IGSF21: variants seen among roughly 807,000 people sequenced by gnomAD.
IGSF21 encodes immunoglobin superfamily member 21.
IGSF21 carries 28 observed loss-of-function variants against 46.8 expected under a neutral mutation model. The observed-to-expected ratio is 0.60, with a 90% CI of 0.44 to 0.82. The LOEUF is 0.82. Among genes scored for constraint, IGSF21 ranks in the 40% least tolerant of loss-of-function variants. The probability of loss-of-function intolerance (pLI) is 0.00; values close to 1 mark genes in which losing one functional copy is unlikely to be tolerated. For synonymous variants in IGSF21, 284 were observed against 273.6 expected, an observed-to-expected ratio of 1.04 and a Z score of -0.38; for missense variants, 624 against 665.5, an observed-to-expected ratio of 0.94 and a Z score of 0.69.
intron 2 of IGSF21, among the ~76,000 whole-genome samples, chr1:18,270,734 AG>A (rs1406141733): frequency 1.3e-5 from 2 of 151,944 alleles, no homozygotes; most frequent in African/African-American, 4.8e-5. Context: ...CCACCAGTGG[AG>A]GGGTGTTCTT....
chr1:18,223,856 A>G (rs1205774051), intron 1 of IGSF21, among the ~76,000 whole-genome samples: 2 of 152,162 alleles, frequency 1.3e-5, no homozygotes, highest in Non-Finnish European at 2.9e-5. Context: ...CTGTCTCTGC[A>G]GCCTGGAAAC....
At chr1:18,361,894 T>TA in intron 4 of IGSF21, 1 of 554,734 alleles carries the variant, frequency 1.8e-6, no homozygotes, top group Non-Finnish European at 3.2e-6. Context: ...TCTTCTACAC[T>TA]AAACTGTAAG....
At chr1:18,142,867 C>T (rs1223194769) in intron 1 of IGSF21, among the ~76,000 whole-genome samples, 1 of 152,210 alleles carries the variant, frequency 6.6e-6, no homozygotes, top group East Asian at 1.9e-4. Flanking sequence ...CAGGGGCGGC[C>T]TGTGGCCTGG....
At chr1:18,235,689 G>A (rs890360927) in intron 2 of IGSF21, among the ~76,000 whole-genome samples, 1 of 152,228 alleles carries the variant, frequency 6.6e-6, no homozygotes, top group Non-Finnish European at 1.5e-5. Flanking sequence ...ACCAGGCCCT[G>A]TGCTGTAAGA....
At chr1:18,238,299 TG>T (rs1181221282) in intron 2 of IGSF21, among the ~76,000 whole-genome samples, 1 of 151,872 alleles carries the variant, frequency 6.6e-6, no homozygotes, top group Non-Finnish European at 1.5e-5. Context: ...AGGAGTGCAG[TG>T]GGGAATGGGG....
intron 4 of IGSF21, among the ~76,000 whole-genome samples, chr1:18,346,842 G>A (rs2085898326): frequency 1.3e-5 from 2 of 152,194 alleles, no homozygotes; most frequent in South Asian, 4.1e-4. Context: ...GCAGCCCACA[G>A]GACTGAGGCG....
chr1:18,161,252 C>G (rs191897186), intron 1 of IGSF21, among the ~76,000 whole-genome samples: 97 of 152,284 alleles, frequency 6.4e-4, no homozygotes, highest in African/African-American at 2.3e-3. Context: ...GAAGGGAAAG[C>G]CAGCATTCAC....
chr1:18,271,656 C>T (rs539110759), intron 2 of IGSF21, among the ~76,000 whole-genome samples: 39 of 152,282 alleles, frequency 2.6e-4, no homozygotes, highest in Middle Eastern at 3.4e-3. Flanking sequence ...AAAGATCAAC[C>T]GGGAGCATCA....
intron 2 of IGSF21, among the ~76,000 whole-genome samples, chr1:18,229,918 G>A (rs1029688624): frequency 6.6e-6 from 1 of 152,230 alleles, no homozygotes; most frequent in African/African-American, 2.4e-5. Flanking sequence ...CAGAGGGAGG[G>A]GTGGTGAAAG....
At chr1:18,128,604 G>C (rs2086292852) in intron 1 of IGSF21, among the ~76,000 whole-genome samples, 1 of 152,122 alleles carries the variant, frequency 6.6e-6, no homozygotes, top group South Asian at 2.1e-4. Flanking sequence ...CAGGCCCCAG[G>C]GAAGCAATTC....
intron 1 of IGSF21, among the ~76,000 whole-genome samples, chr1:18,148,752 G>A (rs891060705): frequency 1.3e-5 from 2 of 152,206 alleles, no homozygotes; most frequent in Admixed American, 1.3e-4. Flanking sequence ...TGCCCTCAGA[G>A]ATATCATATC....
At chr1:18,278,206 T>G (rs1318936117) in intron 2 of IGSF21, among the ~76,000 whole-genome samples, 3 of 23,174 alleles carry the variant, frequency 1.3e-4, no homozygotes, top group Admixed American at 5.7e-4. Context: ...ATGGCTGCAT[T>G]CATTTATTTA....
At chr1:18,127,467 C>T (rs1014279348) in intron 1 of IGSF21, among the ~76,000 whole-genome samples, 6 of 151,988 alleles carry the variant, frequency 3.9e-5, no homozygotes, top group African/African-American at 7.3e-5. Flanking sequence ...AGTCCTCCTC[C>T]GGACAGTGCT....
chr1:18,250,194 T>C (rs1210241113), intron 2 of IGSF21, among the ~76,000 whole-genome samples: 1 of 150,218 alleles, frequency 6.7e-6, no homozygotes, highest in East Asian at 2.0e-4. Flanking sequence ...AATTCACATG[T>C]GTATTGCTTT....
In IGSF21 at chr1:18,215,019, C is replaced by T. The variant is rs187193566; in HGVS notation, c.71-12879C>T. ...CCTCCCAAAGTGCCAAGATTACAGG[C>T]GTGAGCCACTGCGCCTGGCCAGTAC... On this transcript the variant is annotated intron_variant, in intron 1 of 9. Coordinates refer to ENST00000251296, the MANE Select transcript of IGSF21 (RefSeq NM_032880.5). 1.2e-3 allele frequency among the ~76,000 whole-genome samples: 181 copies of T among 152,286 alleles called. 1 individual carries two copies. The highest frequency in any genetic ancestry group is 3.4e-3 in the African/African-American group (141 of 41,570).
intron 3 of IGSF21, among the ~76,000 whole-genome samples, chr1:18,307,318 T>C (rs985091682): frequency 2.0e-5 from 3 of 152,164 alleles, no homozygotes; most frequent in Non-Finnish European, 4.4e-5. Flanking sequence ...GGAGCGATGA[T>C]ATAGCAAGAG....
At chr1:18,149,315 C>T (rs1474813441) in intron 1 of IGSF21, among the ~76,000 whole-genome samples, 2 of 152,164 alleles carry the variant, frequency 1.3e-5, no homozygotes, top group African/African-American at 4.8e-5. Context: ...CAGGGACAGT[C>T]TCCGAGGCTT....
intron 2 of IGSF21, among the ~76,000 whole-genome samples, chr1:18,262,167 T>A (rs2084952922): frequency 6.6e-6 from 1 of 152,168 alleles, no homozygotes; most frequent in Admixed American, 6.5e-5. Flanking sequence ...AATAGCAGTG[T>A]AGACTACACC....
intron 1 of IGSF21, among the ~76,000 whole-genome samples, chr1:18,125,915 G>T (rs1247883293): frequency 1.3e-5 from 2 of 152,160 alleles, no homozygotes; most frequent in East Asian, 3.9e-4. Flanking sequence ...AGTCAAGAAA[G>T]GTAATCAACA....
Sources: allele counts gnomAD v4.1 joint callset (sites outside exome capture counted in the v4.1 genomes callset), GRCh38; gene constraint gnomAD v4.1.1; transcripts MANE v1.5; gene names NCBI Gene and HGNC (gene_info 2026-07-23, HGNC 2026-07-21).